Variants in MIPOL1 observed in about 807,000 individuals in gnomAD.
The protein encoded by MIPOL1 is mirror-image polydactyly 1.
A neutral mutation model predicts 60.9 loss-of-function variants in MIPOL1; 57 were observed. That is an observed-to-expected ratio of 0.94 (90% CI 0.76 to 1.17). The LOEUF (loss-of-function observed/expected upper bound fraction) is 1.17. MIPOL1 is among the 50% of genes most tolerant of loss of function. The probability of loss-of-function intolerance (pLI) is 0.00; values close to 1 mark genes in which losing one functional copy is unlikely to be tolerated. For synonymous variants in MIPOL1, 179 were observed against 168.8 expected (o/e 1.06, Z -0.47); for missense variants, 551 against 511.6 (o/e 1.08, Z -0.74).
intron 7 of MIPOL1, among the ~76,000 whole-genome samples, chr14:37,295,169 A>G (rs1341738348): frequency 6.6e-6 from 1 of 152,194 alleles, no homozygotes; most frequent in Non-Finnish European, 1.5e-5. Context: ...TAAAGAAAAG[A>G]ATTTTCAACC....
intron 1 of MIPOL1, among the ~76,000 whole-genome samples, chr14:37,211,938 C>G (rs1966853475): frequency 6.6e-6 from 1 of 151,974 alleles, no homozygotes; most frequent in Non-Finnish European, 1.5e-5. Flanking sequence ...GTCCTAGCTC[C>G]CAGATGACAT....
At chr14:37,487,374 C>G (rs1285086167) in intron 11 of MIPOL1, among the ~76,000 whole-genome samples, 6 of 152,110 alleles carry the variant, frequency 3.9e-5, no homozygotes, top group Non-Finnish European at 8.8e-5. Flanking sequence ...GGAAGATTCC[C>G]TCTTTTTCTG....
At chr14:37,538,017 T>C (rs1321710446) in intron 12 of MIPOL1, among the ~76,000 whole-genome samples, 1 of 152,186 alleles carries the variant, frequency 6.6e-6, no homozygotes, top group East Asian at 1.9e-4. Flanking sequence ...GAAATAGATA[T>C]AAGTGCTTCT....
chr14:37,390,318 C>A (rs1371843243), intron 10 of MIPOL1, among the ~76,000 whole-genome samples: 2 of 152,008 alleles, frequency 1.3e-5, no homozygotes, highest in Admixed American at 6.6e-5. Flanking sequence ...ATCTACCTGG[C>A]AGAGATGAAG....
chr14:37,471,437 C>T (rs538412089), intron 11 of MIPOL1, among the ~76,000 whole-genome samples: 8 of 152,262 alleles, frequency 5.3e-5, no homozygotes, highest in African/African-American at 1.7e-4. Context: ...TCTTAGAATT[C>T]CAAAGCTATC....
chr14:37,496,073 T>G (rs978049747), intron 11 of MIPOL1, among the ~76,000 whole-genome samples: 1 of 152,080 alleles, frequency 6.6e-6, no homozygotes, highest in Admixed American at 6.6e-5. Flanking sequence ...TCCCATTTTG[T>G]AGGTTGCCTG....
intron 3 of MIPOL1, among the ~76,000 whole-genome samples, chr14:37,253,003 C>T (rs762777682): frequency 5.9e-5 from 9 of 151,620 alleles, no homozygotes; most frequent in African/African-American, 1.9e-4. Context: ...ATTATATACT[C>T]CTTGAAATTA....
intron 9 of MIPOL1, among the ~76,000 whole-genome samples, chr14:37,355,313 A>G (rs866399063): frequency 3.4e-5 from 4 of 116,532 alleles, no homozygotes; most frequent in African/African-American, 6.3e-5. Flanking sequence ...TGGGTAACCC[A>G]ACCTTTCTCT....
At position 37,518,822 on chromosome 14, in the gene MIPOL1, CA is replaced by C. The variant is rs1396583181; in HGVS notation, c.1262+18687del. 1.7e-4 allele frequency among the ~76,000 whole-genome samples: 26 copies of C among 152,032 alleles called. 1 individual carries two copies. The highest frequency in any genetic ancestry group is 1.7e-3 in the Admixed American group (26 of 15,254). On this transcript the variant is annotated intron_variant, in intron 12 of 12. Coordinates refer to ENST00000684589, the MANE Select transcript of MIPOL1 (RefSeq NM_001388067.1). ...ATGTCTTCTTGTGCCAAGAAACAAG[CA>C]AATGCTCACAGATTTAATGGGGGTT...
chr14:37,351,054 CCCCCT>C (rs1195787464), intron 9 of MIPOL1, among the ~76,000 whole-genome samples: 2 of 40,554 alleles, frequency 4.9e-5, no homozygotes, highest in African/African-American at 2.1e-4. Context: ...GCTATCCCTC[CCCCCT>C]CCCCCCACCC....
chr14:37,523,596 T>C, intron 12 of MIPOL1: 1 of 396,862 alleles, frequency 2.5e-6, no homozygotes, highest in Admixed American at 4.5e-5. Flanking sequence ...TTTTCTGTCA[T>C]AATTATAATA....
chr14:37,435,560 C>T (rs1342407837), intron 11 of MIPOL1, among the ~76,000 whole-genome samples: 3 of 151,744 alleles, frequency 2.0e-5, no homozygotes, highest in Non-Finnish European at 2.9e-5. Flanking sequence ...CAGTGCTTGG[C>T]ATGTCTCTGA....
chr14:37,422,284 T>C (rs2153550598), intron 10 of MIPOL1, among the ~76,000 whole-genome samples: 1 of 152,122 alleles, frequency 6.6e-6, no homozygotes, highest in East Asian at 1.9e-4. Flanking sequence ...GCTGCCGTTC[T>C]CCCCTTTCGG....
At chr14:37,206,651 C>T (rs1594440841) in intron 1 of MIPOL1, among the ~76,000 whole-genome samples, 2 of 152,160 alleles carry the variant, frequency 1.3e-5, no homozygotes, top group African/African-American at 2.4e-5. Flanking sequence ...AACACTGATA[C>T]GTGAAAGCAG....
intron 10 of MIPOL1, among the ~76,000 whole-genome samples, chr14:37,418,470 A>T (rs571513150): frequency 6.6e-6 from 1 of 152,288 alleles, no homozygotes; most frequent in Admixed American, 6.5e-5. Flanking sequence ...AAGGTATAAT[A>T]AAATACACTC....
At chr14:37,387,628 A>G (rs1218185881) in intron 10 of MIPOL1, among the ~76,000 whole-genome samples, 1 of 152,056 alleles carries the variant, frequency 6.6e-6, no homozygotes, top group East Asian at 1.9e-4. Flanking sequence ...CCTAATTTAC[A>G]TATATTCACT....
intron 10 of MIPOL1, among the ~76,000 whole-genome samples, chr14:37,417,778 C>T (rs2093798036): frequency 6.6e-6 from 1 of 152,044 alleles, no homozygotes; most frequent in Admixed American, 6.6e-5. Context: ...TTTATGGTTA[C>T]TCTGGAAATA....
At chr14:37,394,084 A>ATATATATATATATATATATATATCTC (rs1491106712) in intron 10 of MIPOL1, among the ~76,000 whole-genome samples, 11 of 134,662 alleles carry the variant, frequency 8.2e-5, no homozygotes, top group Non-Finnish European at 7.8e-5. Context: ...ATATATATAT[A>ATATATATATATATATATATATATCTC]TCTCCATGTT....
At chr14:37,394,245 T>TC (rs2093328392) in intron 10 of MIPOL1, among the ~76,000 whole-genome samples, 1 of 151,404 alleles carries the variant, frequency 6.6e-6, no homozygotes, top group African/African-American at 2.4e-5. Flanking sequence ...AGTAAATTTT[T>TC]CATATAACTT....
Sources: gnomAD v4.1 joint callset for allele counts (sites outside exome capture counted in the v4.1 genomes callset) on GRCh38, gnomAD v4.1.1 for gene constraint, MANE v1.5 for transcripts, NCBI Gene and HGNC (gene_info 2026-07-23, HGNC 2026-07-21) for gene names.